The following DNM1 variants were observed in gnomAD, a reference collection of about 807,000 sequenced individuals.
The protein encoded by DNM1 is dynamin 1.
Under a neutral mutation model 104.6 loss-of-function variants are expected in DNM1, and 29 were observed. That is an observed-to-expected ratio of 0.28 (90% CI 0.21 to 0.38). The LOEUF (loss-of-function observed/expected upper bound fraction) is 0.38. Ranked by LOEUF, DNM1 falls within the 10% of genes least tolerant of loss-of-function variation. DNM1 has a pLI of 1.00. For synonymous variants in DNM1, 445 were observed against 475.8 expected (o/e 0.94, Z 0.84); for missense variants, 640 against 1,189.4 (o/e 0.54, Z 6.79).
chr9:128,220,358 G>A lies in DNM1; in HGVS notation c.849+17G>A. 1.2e-6 allele frequency: 2 copies of A among 1,612,022 alleles called. No individual in the cohort carries two copies. The highest frequency in any genetic ancestry group is 1.7e-6 in the Non-Finnish European group (2 of 1,179,502). Reference sequence around the variant, plus strand: ...CTCAATCAGGTAGGCGACCAAGCCAGGATGGGGCCTGGGGAAACAAGCATG... The same window carrying A: ...CTCAATCAGGTAGGCGACCAAGCCAAGATGGGGCCTGGGGAAACAAGCATG... On this transcript the variant is annotated intron_variant, in intron 6 of 21. Transcript: ENST00000372923. This position sits in a 1 kb window ranked among gnomAD's most constrained non-coding sequence, Gnocchi z 5.2.
rs746270475 is a variant in DNM1, at chr9:128,219,015, C to T, written c.386-34C>T. On this transcript the variant is annotated intron_variant, in intron 3 of 21. Transcript: ENST00000372923. ...TAACCTCGCCCGCGGCCACGCCCCT[C>T]GCCTTGAGCCCGCCCTCTCGCCGCC... 13 of 1,609,400 alleles carry T rather than the reference C, an allele frequency of 8.1e-6. No homozygotes were observed. In the South Asian group the frequency reaches 8.8e-5, roughly 11 times the overall value.
Position 128,253,208 on chromosome 9 carries a change from G to A in DNM1, c.2535-1446G>A, listed in dbSNP as rs572697840. On this transcript the variant is annotated intron_variant, in intron 21 of 21. Coordinates refer to ENST00000372923, the MANE Select transcript of DNM1 (RefSeq NM_004408.4). This position sits in a 1 kb window ranked among gnomAD's most constrained non-coding sequence, Gnocchi z 5.9. ...CCGCTGCACTAGCTCCACACGGGGC[G>A]CGCACCTGGGACCTCAGAGCCAGGC... 3.0e-5 allele frequency: 44 copies of A among 1,458,694 alleles called. No homozygotes were observed. Among genetic ancestry groups the A allele is most frequent in the African/African-American group, 1.1e-4 (8 of 72,164 alleles). 90.4% of individuals were successfully genotyped at this position (1,458,694 alleles called of 1,614,324 possible).
chr9:128,219,058 T>A lies in DNM1; in HGVS notation c.395T>A (p.Leu132Gln). The A allele has an allele frequency of 6.2e-7, 1 of 1,614,032 alleles. No individual in the cohort carries two copies. The highest frequency in any genetic ancestry group is 1.3e-5 in the African/African-American group (1 of 75,066). ...LRVYSPHVLN[L>Q]TLVDLPGMTK... ...TCGCCGCCCTGTCCAGTGCTGAACC[T>A]GACCCTGGTGGACCTGCCCGGAATG... Residue 132 changes from leucine (L) to glutamine (Q), a missense_variant, in exon 4 of 22, where the codon CTG becomes CAG. Physicochemically the swap from Leu to Gln is moderately radical, Grantham distance 113. This residue lies in a region of DNM1 where 172 missense variants were observed against 335.3 expected (regional missense o/e 0.51). Coordinates refer to ENST00000372923, the MANE Select transcript of DNM1 (RefSeq NM_004408.4).
At chr9:128,221,021 TTC>T in intron 6 of DNM1, 1 of 148,756 alleles carries the variant, frequency 6.7e-6, no homozygotes, top group Non-Finnish European at 1.5e-5. Context: ...CTTCCTTTCT[TTC>T]TCTTTCTTTC....
Position 128,220,740 on chromosome 9 carries a change from C to CGTGTGTGTGTGT in DNM1, c.849+400_849+401insTGTGTGTGTGTG, listed in dbSNP as rs754950978. Among the ~76,000 whole-genome samples, 1,405 of 125,698 alleles carry CGTGTGTGTGTGT rather than the reference C, an allele frequency of 0.011. 20 individuals are homozygous for CGTGTGTGTGTGT. Among genetic ancestry groups the CGTGTGTGTGTGT allele is most frequent in the African/African-American group, 0.03 (1,020 of 34,540 alleles). The allele number at this position is 125,698 out of a possible 152,430, so 82.5% of individuals were successfully genotyped here. A position where few individuals can be genotyped will look rare whatever the true frequency, so the allele number is the denominator to read the frequency against. On this transcript the variant is annotated intron_variant, in intron 6 of 21. Coordinates refer to ENST00000372923, the MANE Select transcript of DNM1 (RefSeq NM_004408.4). This position sits in a 1 kb window ranked among gnomAD's most constrained non-coding sequence, Gnocchi z 5.2. ...TCCAGAACTGAAGTGCGCGCGCGCG[C>CGTGTGTGTGTGT]GCGTGTGTGTGTGTGTGTGTGTGTG...
chr9:128,210,214 T>A (rs559448311), intron 1 of DNM1, among the ~76,000 whole-genome samples: 1 of 152,126 alleles, frequency 6.6e-6, no homozygotes, highest in African/African-American at 2.4e-5. Flanking sequence ...CACACCCAGC[T>A]AAGTTTTTTA....
chr9:128,247,513 G>A lies in DNM1; in HGVS notation c.1893+27G>A. 1 of 1,551,894 alleles carries A rather than the reference G, an allele frequency of 6.4e-7. No individual in the cohort carries two copies. The highest frequency in any genetic ancestry group is 8.9e-7 in the Non-Finnish European group (1 of 1,128,608). On this transcript the variant is annotated intron_variant, in intron 17 of 21. Transcript: ENST00000372923. This position sits in a 1 kb window ranked among gnomAD's most constrained non-coding sequence, Gnocchi z 5.1. Reference sequence around the variant, plus strand: ...TGAGTGGCAGGGCAAGGAGAGGAAGGGCAAGCATGATCCTAGGGCCCCTGG... The same window carrying A: ...TGAGTGGCAGGGCAAGGAGAGGAAGAGCAAGCATGATCCTAGGGCCCCTGG...
intron 11 of DNM1, among the ~76,000 whole-genome samples, chr9:128,236,111 C>T: frequency 6.6e-6 from 1 of 152,176 alleles, no homozygotes; most frequent in East Asian, 1.9e-4. Context: ...CATTATACCC[C>T]TCATAGCCAC....
At chr9:128,237,073 G>A (rs1836059608) in intron 11 of DNM1, among the ~76,000 whole-genome samples, 1 of 152,268 alleles carries the variant, frequency 6.6e-6, no homozygotes, top group East Asian at 1.9e-4. Context: ...AGGCAGAAAC[G>A]CTACATTTGT....
Position 128,254,596 on chromosome 9 carries a change from CCA to C in DNM1, c.2535-57_2535-56del. 1 of 1,501,560 alleles carries C rather than the reference CCA, an allele frequency of 6.7e-7. No individual in the cohort carries two copies. The highest frequency in any genetic ancestry group is 8.9e-7 in the Non-Finnish European group (1 of 1,121,162). The allele number at this position is 1,501,560 out of a possible 1,614,324, so 93.0% of individuals were successfully genotyped here. On this transcript the variant is annotated intron_variant, in intron 21 of 21. Transcript: ENST00000372923. The surrounding 1 kb of genome is among the most constrained non-coding windows in gnomAD (Gnocchi z 6.1). ...CCGGCCGTGTGCTGCGCTTGCCTTA[CCA>C]GCTCTCTCCTCGCTTTTCTCTCCCG...
chr9:128,252,187 T>G (rs564923374), intron 21 of DNM1: 24 of 226,556 alleles, frequency 1.1e-4, no homozygotes, highest in African/African-American at 5.4e-4. Flanking sequence ...ATAGGGATGC[T>G]GTGTTAACTG....
rs1481797263 is a variant in DNM1, at chr9:128,220,913, CTTTCTTTCTTTCTTTCTTTCTTTTCT to C, written c.849+589_849+614del. Reference sequence around the variant, plus strand: ...TCTTTCTTTCTTTCTTTCTTTCTTTCTTTCTTTCTTTCTTTCTTTCTTTTCTTTTCTTTCTTTCTTTCCTTTCTTCT... The same window carrying C: ...TCTTTCTTTCTTTCTTTCTTTCTTTCTTTCTTTCTTTCTTTCCTTTCTTCT... On this transcript the variant is annotated intron_variant, in intron 6 of 21. Transcript: ENST00000372923. The surrounding 1 kb of genome is among the most constrained non-coding windows in gnomAD (Gnocchi z 5.2). 2.7e-5 allele frequency among the ~76,000 whole-genome samples: 4 copies of C among 147,210 alleles called. No homozygotes were observed. The highest frequency in any genetic ancestry group is 6.0e-5 in the Non-Finnish European group (4 of 66,432).
At chr9:128,206,835 G>T (rs1302385154) in intron 1 of DNM1, among the ~76,000 whole-genome samples, 4 of 152,066 alleles carry the variant, frequency 2.6e-5, no homozygotes, top group Non-Finnish European at 4.4e-5. Flanking sequence ...TTTCTCTCTT[G>T]TGGGAAGCTT....
chr9:128,224,167 G>C lies in DNM1; in HGVS notation c.1197-84G>C. ...GAAGGGCCCCTCAGGCAGAGTTCGT[G>C]GGCTTGGGGAGGAGCCTCGGCCTGG... is the stretch of plus-strand genomic sequence containing the variant. On this transcript the variant is annotated intron_variant, in intron 9 of 21. Coordinates refer to ENST00000372923, the MANE Select transcript of DNM1 (RefSeq NM_004408.4). The surrounding 1 kb of genome is among the most constrained non-coding windows in gnomAD (Gnocchi z 4.3). 2.0e-6 allele frequency: 3 copies of C among 1,516,348 alleles called. No homozygotes were observed. Among genetic ancestry groups the C allele is most frequent in the South Asian group, 1.3e-5 (1 of 74,292 alleles). The allele number at this position is 1,516,348 out of a possible 1,614,324, so 93.9% of individuals were successfully genotyped here.
chr9:128,220,966 T>A lies in DNM1; in HGVS notation c.849+625T>A, dbSNP rs550022286. ...TTCTTTCTTTCTTTCCTTTCTTCTT[T>A]CTTTCTTTCTCTTTCTTTCTTTCTT... On this transcript the variant is annotated intron_variant, in intron 6 of 21. Transcript: ENST00000372923. This position sits in a 1 kb window ranked among gnomAD's most constrained non-coding sequence, Gnocchi z 5.2. 5.5e-5 allele frequency: 8 copies of A among 145,034 alleles called. No individual in the cohort carries two copies. The South Asian group carries it at 1.7e-3, about 31-fold the overall frequency. 9.0% of individuals were successfully genotyped at this position (145,034 alleles called of 1,614,324 possible).
chr9:128,221,091 T>C (rs956249590), intron 6 of DNM1: 1 of 150,690 alleles, frequency 6.6e-6, no homozygotes, highest in Non-Finnish European at 1.5e-5. Flanking sequence ...CTTTCTCTCT[T>C]TCTTTCTTTC....
intron 21 of DNM1, chr9:128,251,621 TC>T: frequency 7.2e-6 from 1 of 138,570 alleles, no homozygotes; most frequent in Non-Finnish European, 1.5e-5. Context: ...ATGGCTTTTT[TC>T]CTCCCCCCAA....
Position 128,222,798 on chromosome 9 carries a change from G to C in DNM1, c.1134G>C (p.Glu378Asp). Residue 378 changes from glutamate (E) to aspartate (D), a missense_variant, in exon 9 of 22, where the codon GAG (glutamate) becomes GAC (aspartate). By Grantham distance (45) the Glu-to-Asp change is conservative. This residue lies in a region of DNM1 where 38 missense variants were observed against 113.5 expected (regional missense o/e 0.33). Coordinates refer to ENST00000372923, the MANE Select transcript of DNM1 (RefSeq NM_004408.4). This position sits in a 1 kb window ranked among gnomAD's most constrained non-coding sequence, Gnocchi z 7.8. ...ERFPFELVKM[E>D]FDEKELRREI... ...TTCTCTGCTTTTCTACACAGATGGA[G>C]TTTGATGAGAAGGAACTCCGAAGGG... 1 of 1,614,138 alleles carries C rather than the reference G, an allele frequency of 6.2e-7. No individual in the cohort carries two copies. Among genetic ancestry groups the C allele is most frequent in the Non-Finnish European group, 8.5e-7 (1 of 1,180,016 alleles).
intron 1 of DNM1, among the ~76,000 whole-genome samples, chr9:128,212,112 G>A (rs577459632): frequency 2.0e-5 from 3 of 152,332 alleles, no homozygotes; most frequent in South Asian, 4.1e-4. Flanking sequence ...CACATGGCAC[G>A]TGCTCAGGAA....
Sources: gnomAD v4.1 joint callset for allele counts (sites outside exome capture counted in the v4.1 genomes callset) on GRCh38, gnomAD v4.1.1 for gene constraint, gnomAD v4.1.1 regional missense constraint, Gnocchi (gnomAD v3.1) non-coding constraint, MANE v1.5 for transcripts, NCBI Gene and HGNC (gene_info 2026-07-23, HGNC 2026-07-21) for gene names.